Variants in KCNJ10 observed in about 807,000 individuals in gnomAD.
KCNJ10 encodes the protein potassium inwardly rectifying channel subfamily J member 10, also known as ATP-sensitive inward rectifier potassium channel 10.
In KCNJ10, 9 loss-of-function variants were observed where a neutral mutation model predicts 22.2. The ratio of observed to expected loss-of-function variants is 0.40; its 90% CI spans 0.24 to 0.71. The LOEUF (loss-of-function observed/expected upper bound fraction) is 0.71. Among genes scored for constraint, KCNJ10 ranks in the 30% least tolerant of loss-of-function variants. KCNJ10 has a pLI of 0.35. For missense variants in KCNJ10, 337 were observed against 482.7 expected (o/e 0.70, Z 2.83); for synonymous variants, 184 against 187.3 (o/e 0.98, Z 0.15).
chr1:160,045,756 G>A (rs113593177), intron 1 of KCNJ10, among the ~76,000 whole-genome samples: 1,712 of 152,234 alleles, frequency 0.011, 20 homozygotes, highest in South Asian at 0.019. Flanking sequence ...AATGATTGAA[G>A]GAAATAGGGA....
In KCNJ10 at chr1:160,042,410, C is replaced by T; in HGVS notation, c.123G>A (p.Met41Ile). Residue 41 changes from methionine to isoleucine, a missense_variant, in exon 2 of 2, where the codon ATG becomes ATA. Transcript: ENST00000644903. ...LTKDGRSNVR[M>I]EHIADKRFLY... ...GGAAGCGCTTGTCGGCAATGTGCTC[C>T]ATTCTCACGTTGCTGCGACCATCTT... is the stretch of plus-strand genomic sequence containing the variant. 1 of 1,614,188 alleles carries T rather than the reference C, an allele frequency of 6.2e-7. No individual in the cohort carries two copies. The highest frequency in any genetic ancestry group is 8.5e-7 in the Non-Finnish European group (1 of 1,180,028).
At chr1:160,048,416 G>T (rs565027222) in intron 1 of KCNJ10, among the ~76,000 whole-genome samples, 1 of 152,256 alleles carries the variant, frequency 6.6e-6, no homozygotes, top group Admixed American at 6.5e-5. Flanking sequence ...TTTGCAGGGG[G>T]CTGGGGAGAG....
rs1181225148 is a variant in KCNJ10, at chr1:160,038,382, G to A, written c.*3011C>T. Reference sequence around the variant, plus strand: ...ACTTCCCCTCCCTATTGTCCTCCGAGTTCCTCTCTTCCTGGTCCTATCAGT... The same window carrying A: ...ACTTCCCCTCCCTATTGTCCTCCGAATTCCTCTCTTCCTGGTCCTATCAGT... On this transcript the variant is annotated 3_prime_UTR_variant, in exon 2 of 2. Coordinates refer to ENST00000644903, the MANE Select transcript of KCNJ10 (RefSeq NM_002241.5). The A allele has an allele frequency of 1.3e-5, 2 of 152,168 alleles. No homozygotes were observed. Among genetic ancestry groups the A allele is most frequent in the African/African-American group, 4.8e-5 (2 of 41,434 alleles). 9.4% of individuals were successfully genotyped at this position (152,168 alleles called of 1,614,324 possible).
intron 1 of KCNJ10, among the ~76,000 whole-genome samples, chr1:160,058,373 C>G (rs1466555906): frequency 1.3e-5 from 2 of 152,170 alleles, no homozygotes; most frequent in Non-Finnish European, 2.9e-5. Flanking sequence ...GAAACTGAGG[C>G]CCACTGTGGG....
At chr1:160,060,956 A>G (rs1398583916) in intron 1 of KCNJ10, among the ~76,000 whole-genome samples, 1 of 152,152 alleles carries the variant, frequency 6.6e-6, no homozygotes, top group Non-Finnish European at 1.5e-5. Flanking sequence ...TGGGGCCGGT[A>G]GGAGGGTGGG....
At chr1:160,047,390 G>A (rs1648767673) in intron 1 of KCNJ10, among the ~76,000 whole-genome samples, 1 of 152,112 alleles carries the variant, frequency 6.6e-6, no homozygotes, top group African/African-American at 2.4e-5. Context: ...GCACCAGCAG[G>A]GAAAGTGCTT....
Position 160,046,871 on chromosome 1 carries a change from G to A in KCNJ10, c.1-4339C>T, listed in dbSNP as rs575272524. Among the ~76,000 whole-genome samples, 9 of 152,288 alleles carry A rather than the reference G, an allele frequency of 5.9e-5. 1 individual carries two copies. In the South Asian group the frequency reaches 1.9e-3, roughly 32 times the overall value. Reference sequence around the variant, plus strand: ...TAAAACATACTCTTTCCTCTAGAGGGTGCTATTTCCCCAAAACAGTCCCAG... The same window carrying A: ...TAAAACATACTCTTTCCTCTAGAGGATGCTATTTCCCCAAAACAGTCCCAG... On this transcript the variant is annotated intron_variant, in intron 1 of 1. Coordinates refer to ENST00000644903, the MANE Select transcript of KCNJ10 (RefSeq NM_002241.5).
intron 1 of KCNJ10, among the ~76,000 whole-genome samples, chr1:160,055,290 A>AG (rs1175693208): frequency 4.6e-5 from 7 of 152,098 alleles, no homozygotes; most frequent in African/African-American, 1.4e-4. Context: ...CAGCCAGTCT[A>AG]GGGGGGGCAG....
intron 1 of KCNJ10, among the ~76,000 whole-genome samples, chr1:160,052,220 A>G (rs990588): frequency 0.45 from 68,361 of 152,038 alleles, 15,630 homozygotes; most frequent in Non-Finnish European, 0.49. Context: ...AACAGTGCCT[A>G]CTATAGCTAT....
chr1:160,059,692 T>C (rs1015277780), intron 1 of KCNJ10, among the ~76,000 whole-genome samples: 3 of 152,202 alleles, frequency 2.0e-5, no homozygotes, highest in Non-Finnish European at 2.9e-5. Flanking sequence ...GCAATGCTCT[T>C]ACTGGGGTCT....
At chr1:160,048,392 G>A (rs1034715283) in intron 1 of KCNJ10, among the ~76,000 whole-genome samples, 3 of 152,194 alleles carry the variant, frequency 2.0e-5, no homozygotes, top group Non-Finnish European at 4.4e-5. Flanking sequence ...GCTCCTTCTG[G>A]GCCAACTGTT....
intron 1 of KCNJ10, among the ~76,000 whole-genome samples, chr1:160,056,638 C>T (rs1176368313): frequency 6.6e-6 from 1 of 152,230 alleles, no homozygotes; most frequent in Non-Finnish European, 1.5e-5. Flanking sequence ...TTTGCCACAT[C>T]ATCCTTTGTT....
At chr1:160,058,056 C>G (rs907942721) in intron 1 of KCNJ10, among the ~76,000 whole-genome samples, 2 of 152,178 alleles carry the variant, frequency 1.3e-5, no homozygotes, top group African/African-American at 4.8e-5. Flanking sequence ...AACAGAGAAC[C>G]TTTTCTGGAC....
In KCNJ10 at chr1:160,043,272, A is replaced by AACACAC. The variant is rs779402094; in HGVS notation, c.1-746_1-741dup. Among the ~76,000 whole-genome samples the AACACAC allele has an allele frequency of 3.8e-3, 508 of 132,720 alleles. 8 individuals carry two copies. Among genetic ancestry groups the AACACAC allele is most frequent in the Admixed American group, 0.012 (156 of 13,098 alleles). 87.1% of individuals were successfully genotyped at this position (132,720 alleles called of 152,430 possible). On this transcript the variant is annotated intron_variant, in intron 1 of 1. Coordinates refer to ENST00000644903, the MANE Select transcript of KCNJ10 (RefSeq NM_002241.5). Reference sequence around the variant, plus strand: ...ATCCTTCCAGGCCAATCCCCCTTAAAACACACACACACACACACACACACA... The same window carrying AACACAC: ...ATCCTTCCAGGCCAATCCCCCTTAAAACACACACACACACACACACACACACACACA...
intron 1 of KCNJ10, among the ~76,000 whole-genome samples, chr1:160,054,154 T>C (rs1375760334): frequency 6.6e-6 from 1 of 152,214 alleles, no homozygotes; most frequent in Non-Finnish European, 1.5e-5. Flanking sequence ...GTGCTGCCTC[T>C]TTGATGCACC....
At chr1:160,061,883 G>A (rs1423182870) in intron 1 of KCNJ10, among the ~76,000 whole-genome samples, 1 of 152,020 alleles carries the variant, frequency 6.6e-6, no homozygotes, top group East Asian at 1.9e-4. Flanking sequence ...TGTGTTGGGA[G>A]CCGTGTGTGG....
At chr1:160,065,687 G>C (rs1222485079) in intron 1 of KCNJ10, among the ~76,000 whole-genome samples, 2 of 152,148 alleles carry the variant, frequency 1.3e-5, no homozygotes, top group Non-Finnish European at 2.9e-5. Flanking sequence ...GAAGAGTGCA[G>C]TTCCACAAGA....
chr1:160,040,259 C>G lies in KCNJ10; in HGVS notation c.*1134G>C. The G allele has an allele frequency of 8.9e-6, 3 of 335,978 alleles. No homozygotes were observed. The highest frequency in any genetic ancestry group is 1.6e-5 in the Non-Finnish European group (3 of 186,828). 20.8% of individuals were successfully genotyped at this position (335,978 alleles called of 1,614,324 possible). On this transcript the variant is annotated 3_prime_UTR_variant, in exon 2 of 2. Transcript: ENST00000644903. ...AAAGCATCACCAATTCTCAGAGGCT[C>G]TGTACAGCAGTTTGGAAATCTGAGA...
intron 1 of KCNJ10, among the ~76,000 whole-genome samples, chr1:160,061,231 C>T (rs1055820702): frequency 6.6e-6 from 1 of 152,138 alleles, no homozygotes; most frequent in Non-Finnish European, 1.5e-5. Context: ...AAAAAACTAG[C>T]GGTGAGAGAC....
Sources: gnomAD v4.1 joint callset for allele counts (sites outside exome capture counted in the v4.1 genomes callset) on GRCh38, gnomAD v4.1.1 for gene constraint, MANE v1.5 for transcripts, NCBI Gene and HGNC (gene_info 2026-07-23, HGNC 2026-07-21) for gene names.